The following CSTPP1 variants were observed in gnomAD, a reference collection of about 807,000 sequenced individuals.
The protein encoded by CSTPP1 is centriolar satellite-associated tubulin polyglutamylase complex regulator 1.
the CSTPP1 span, among the ~76,000 whole-genome samples, chr11:47,139,099 T>C: frequency 9.2e-5 from 14 of 151,806 alleles, no homozygotes; most frequent in Non-Finnish European, 1.9e-4. Context: ...TGAATGCATT[T>C]ACCTTCATTG....
At chr11:47,035,050 C>G in the CSTPP1 span, among the ~76,000 whole-genome samples, 3 of 152,184 alleles carry the variant, frequency 2.0e-5, no homozygotes, top group Admixed American at 6.5e-5. Context: ...AAATCCTGCA[C>G]TCCTATAAAA....
At chr11:47,157,033 C>G in the CSTPP1 span, 1 of 1,614,088 alleles carries the variant, frequency 6.2e-7, no homozygotes. Flanking sequence ...AATTCCTGGA[C>G]AGTGTGGCTG....
the CSTPP1 span, among the ~76,000 whole-genome samples, chr11:46,994,403 T>G: frequency 6.6e-6 from 1 of 152,320 alleles, no homozygotes; most frequent in South Asian, 2.1e-4. Context: ...AGTATGATAT[T>G]GGCTGTGGGA....
At chr11:47,157,808 C>T in the CSTPP1 span, 1 of 1,613,054 alleles carries the variant, frequency 6.2e-7, no homozygotes, top group African/African-American at 1.3e-5. Context: ...ATCTCTCCTT[C>T]TTAGCTGCCC....
the CSTPP1 span, among the ~76,000 whole-genome samples, chr11:46,941,212 G>C: frequency 6.6e-6 from 1 of 152,262 alleles, no homozygotes; most frequent in South Asian, 2.1e-4. Flanking sequence ...ACCCCTCACT[G>C]CCTTCTCCTG....
At chr11:46,938,924 A>G in the CSTPP1 span, among the ~76,000 whole-genome samples, 1 of 151,536 alleles carries the variant, frequency 6.6e-6, no homozygotes, top group South Asian at 2.1e-4. Context: ...CTACAGGCAC[A>G]TGCCACCATC....
chr11:47,135,436 G>A, the CSTPP1 span, among the ~76,000 whole-genome samples: 3 of 152,152 alleles, frequency 2.0e-5, no homozygotes, highest in Admixed American at 6.5e-5. Flanking sequence ...AGCAGAAAGG[G>A]AACAAGCTCC....
chr11:47,010,148 TCAGA>T, the CSTPP1 span, among the ~76,000 whole-genome samples: 1 of 152,150 alleles, frequency 6.6e-6, no homozygotes, highest in Admixed American at 6.5e-5. Context: ...TAGATAATTA[TCAGA>T]CAGAGAAGAG....
chr11:47,082,635 C>A, the CSTPP1 span, among the ~76,000 whole-genome samples: 1 of 152,152 alleles, frequency 6.6e-6, no homozygotes, highest in South Asian at 2.1e-4. Context: ...GTAAAACCAT[C>A]ACCAAAATCA....
At chr11:47,096,290 A>G in the CSTPP1 span, among the ~76,000 whole-genome samples, 7 of 152,236 alleles carry the variant, frequency 4.6e-5, no homozygotes, top group Non-Finnish European at 1.0e-4. Flanking sequence ...ACGCATTTCC[A>G]GAACTTTTTC....
the CSTPP1 span, among the ~76,000 whole-genome samples, chr11:47,035,035 T>C: frequency 6.6e-6 from 1 of 152,218 alleles, no homozygotes; most frequent in African/African-American, 2.4e-5. Flanking sequence ...ATGCCTTTCT[T>C]ATAGAAATCC....
At chr11:47,101,188 T>TA in the CSTPP1 span, among the ~76,000 whole-genome samples, 62 of 101,952 alleles carry the variant, frequency 6.1e-4, 2 homozygotes, top group African/African-American at 2.4e-3. Context: ...TTTTTTTTTT[T>TA]TATTTTATTT....
the CSTPP1 span, among the ~76,000 whole-genome samples, chr11:47,104,350 C>CCCCG: frequency 6.6e-6 from 1 of 152,162 alleles, no homozygotes; most frequent in Non-Finnish European, 1.5e-5. Context: ...TTCCTCAGTT[C>CCCCG]CCCGCCCTTC....
chr11:47,095,712 C>CACCT, the CSTPP1 span, among the ~76,000 whole-genome samples: 2 of 152,116 alleles, frequency 1.3e-5, no homozygotes, highest in African/African-American at 4.8e-5. Flanking sequence ...AGTACAAATT[C>CACCT]CTAGCGCTTT....
chr11:47,049,739 C>T, the CSTPP1 span, among the ~76,000 whole-genome samples: 1 of 151,944 alleles, frequency 6.6e-6, no homozygotes, highest in South Asian at 2.1e-4. Flanking sequence ...AAGCGATCCT[C>T]CATCCTCAGC....
the CSTPP1 span, among the ~76,000 whole-genome samples, chr11:47,085,683 A>C: frequency 6.6e-6 from 1 of 151,992 alleles, no homozygotes; most frequent in African/African-American, 2.4e-5. Context: ...TGAGGTCAGG[A>C]GTTCGAGACC....
chr11:47,098,336 TAA>T, the CSTPP1 span, among the ~76,000 whole-genome samples: 7 of 149,380 alleles, frequency 4.7e-5, no homozygotes, highest in Admixed American at 4.0e-4. Context: ...AATAAATAAA[TAA>T]AAAATAAAAA....
the CSTPP1 span, among the ~76,000 whole-genome samples, chr11:47,154,678 T>C: frequency 6.6e-6 from 1 of 152,130 alleles, no homozygotes; most frequent in Admixed American, 6.6e-5. Flanking sequence ...GTTCTGGCCC[T>C]TTGGTAGCTT....
the CSTPP1 span, among the ~76,000 whole-genome samples, chr11:47,057,822 G>A: frequency 6.6e-6 from 1 of 152,154 alleles, no homozygotes; most frequent in Non-Finnish European, 1.5e-5. Context: ...TATACAAGGG[G>A]CTAAGGATAA....
Sources: gnomAD v4.1 joint callset for allele counts (sites outside exome capture counted in the v4.1 genomes callset) on GRCh38, gnomAD v4.1.1 for gene constraint, MANE v1.5 for transcripts, NCBI Gene and HGNC (gene_info 2026-07-23, HGNC 2026-07-21) for gene names.